The following TET2 variants were observed in gnomAD, a reference collection of about 807,000 sequenced individuals.
TET2 encodes tet methylcytosine dioxygenase 2.
TET2 carries 299 observed loss-of-function variants against 142.9 expected under a neutral mutation model. That is an observed-to-expected ratio of 2.09 (90% confidence interval 1.90 to 2.30). The LOEUF is 2.30. TET2 is among the 30% of genes most tolerant of loss of function. TET2 has a pLI of 0.00. For missense variants in TET2, 2,418 were observed against 2,378.0 expected (o/e 1.02, Z -0.35); for synonymous variants, 819 against 849.0 (o/e 0.96, Z 0.61).
Position 105,201,381 on chromosome 4 carries a change from G to C in TET2, c.-47+10876G>C, listed in dbSNP as rs180788824. On this transcript the variant is annotated intron_variant, in intron 2 of 10. Transcript: ENST00000380013. ...GCAAGGTGTTTCCTAAAAAGTTTAA[G>C]GAAAGTATAACTTTATTTTCATGTA... is the stretch of plus-strand genomic sequence containing the variant. Among the ~76,000 whole-genome samples, 851 of 152,258 alleles carry C rather than the reference G, an allele frequency of 5.6e-3. 38 individuals carry two copies. The highest frequency in any genetic ancestry group is 0.054 in the Admixed American group (819 of 15,270).
intron 6 of TET2, among the ~76,000 whole-genome samples, chr4:105,255,008 A>G (rs1730051483): frequency 6.6e-6 from 1 of 152,110 alleles, no homozygotes; most frequent in Non-Finnish European, 1.5e-5. Flanking sequence ...CTTTTTATCC[A>G]TCTGCTTCCT....
At chr4:105,187,386 T>A (rs1009527016) in intron 1 of TET2, among the ~76,000 whole-genome samples, 7 of 152,224 alleles carry the variant, frequency 4.6e-5, no homozygotes, top group Non-Finnish European at 8.8e-5. Context: ...CTAATCTTAA[T>A]AATGTTTCTT....
At chr4:105,241,598 G>T in intron 4 of TET2, 169 bp downstream of exon 4, 2 of 1,362,130 alleles carry the variant, frequency 1.5e-6, no homozygotes, top group Non-Finnish European at 1.9e-6. Flanking sequence ...TCACCAGAGA[G>T]TCACAATATT....
chr4:105,258,062 G>T (rs1730229752), intron 6 of TET2, among the ~76,000 whole-genome samples: 1 of 152,124 alleles, frequency 6.6e-6, no homozygotes, highest in Non-Finnish European at 1.5e-5. Context: ...AATGTGGGCT[G>T]TTTTGATTTG....
At chr4:105,157,403 T>C (rs1723622227) in intron 1 of TET2, among the ~76,000 whole-genome samples, 1 of 152,198 alleles carries the variant, frequency 6.6e-6, no homozygotes, top group Non-Finnish European at 1.5e-5. Flanking sequence ...TTTATAGATT[T>C]TATCTTTCTT....
At chr4:105,156,699 T>C (rs1723582838) in intron 1 of TET2, among the ~76,000 whole-genome samples, 1 of 152,186 alleles carries the variant, frequency 6.6e-6, no homozygotes, top group Admixed American at 6.5e-5. Flanking sequence ...TAACATAGCA[T>C]GGTATATGAG....
At chr4:105,214,658 G>A (rs534814965) in intron 2 of TET2, among the ~76,000 whole-genome samples, 1 of 151,634 alleles carries the variant, frequency 6.6e-6, no homozygotes, top group South Asian at 2.1e-4. Flanking sequence ...CCCACCCTTT[G>A]CACTGGGGAA....
intron 2 of TET2, among the ~76,000 whole-genome samples, chr4:105,228,693 T>G (rs1728323174): frequency 6.6e-6 from 1 of 152,128 alleles, no homozygotes; most frequent in Non-Finnish European, 1.5e-5. Flanking sequence ...TATGAATTGG[T>G]GTTTTACAGT....
chr4:105,180,553 TAAA>T (rs899540624), intron 1 of TET2, among the ~76,000 whole-genome samples: 1 of 152,196 alleles, frequency 6.6e-6, no homozygotes, highest in Non-Finnish European at 1.5e-5. Flanking sequence ...TCATGACACT[TAAA>T]AAACCTTTCT....
rs777286235 is a variant in TET2 at position 105,241,361 on chromosome 4, A to C, written c.3432A>C (p.Glu1144Asp). Residue 1144 changes from glutamate (E) to aspartate (D), a missense_variant, in exon 4 of 11, where the codon GAA (glutamate) becomes GAC (aspartate). Glu to Asp is a conservative substitution (Grantham distance 45). Coordinates refer to ENST00000380013, the MANE Select transcript of TET2 (RefSeq NM_001127208.3). ...RCVEQIIEKD[E>D]GPFYTHLGAG... ...CAGAGCAAATTATTGAAAAAGATGA[A>C]GGTCCTTTTTATACCCATCTAGGAG... The C allele has an allele frequency of 2.6e-6, 4 of 1,546,542 alleles. No individual in the cohort carries two copies. In the East Asian group the frequency reaches 7.3e-5, roughly 28 times the overall value.
chr4:105,240,539 T>C (rs1428196169), intron 3 of TET2: 1 of 1,073,056 alleles, frequency 9.3e-7, no homozygotes, highest in African/African-American at 1.6e-5. Context: ...CCTCTTGCAA[T>C]GAGATACCCC....
rs1355157024 is a variant in TET2, at chr4:105,272,657, G to A, written c.4276G>A (p.Val1426Met). The A allele has an allele frequency of 1.2e-5, 19 of 1,551,572 alleles. No individual in the cohort carries two copies. Among genetic ancestry groups the A allele is most frequent in the East Asian group, 2.4e-5 (1 of 40,932 alleles). Residue 1426 changes from valine (V) to methionine (M), a missense_variant, in exon 10 of 11, where the codon GTG becomes ATG. Transcript: ENST00000380013. ...HVLPLYKVSD[V>M]DEFGSVEAQE... is the part of the protein sequence containing the mutation. ...TCTGCCTTTATACAAAGTCTCTGAC[G>A]TGGATGAGTTTGGGAGTGTGGAAGC...
intron 1 of TET2, among the ~76,000 whole-genome samples, chr4:105,167,293 G>A (rs548490163): frequency 7.9e-5 from 12 of 151,848 alleles, no homozygotes; most frequent in Admixed American, 7.2e-4. Flanking sequence ...GGAAAATTAG[G>A]CAAACAAAGA....
rs2110234305 is a variant in TET2 at position 105,236,537 on chromosome 4, G to A, written c.2595G>A (p.Met865Ile). ...AGNKTQNLHH[M>I]QYFPNNVIPK... is the part of the protein sequence containing the mutation. ...ACAAGACCCAAAACTTGCATCACAT[G>A]CAATATTTTCCAAATAATGTGATCC... is the stretch of plus-strand genomic sequence containing the variant. Residue 865 changes from methionine to isoleucine, a missense_variant, in exon 3 of 11, where the codon ATG (methionine) becomes ATA (isoleucine). By Grantham distance (10) the Met-to-Ile change is conservative. Transcript: ENST00000380013. 1 of 1,614,082 alleles carries A rather than the reference G, an allele frequency of 6.2e-7. No homozygotes were observed. Among genetic ancestry groups the A allele is most frequent in the Non-Finnish European group, 8.5e-7 (1 of 1,180,002 alleles).
Position 105,236,803 on chromosome 4 carries a change from G to T in TET2, c.2861G>T (p.Trp954Leu), listed in dbSNP as rs1039019352. 5 of 1,614,058 alleles carry T rather than the reference G, an allele frequency of 3.1e-6. No homozygotes were observed. The highest frequency in any genetic ancestry group is 3.4e-6 in the Non-Finnish European group (4 of 1,179,992). Residue 954 changes from tryptophan to leucine, a missense_variant, in exon 3 of 11, where the codon TGG becomes TTG. Coordinates refer to ENST00000380013, the MANE Select transcript of TET2 (RefSeq NM_001127208.3). The part of the protein sequence containing the change: ...KDTQKHAALR[W>L]HLLQKQEQQQ... ...ACTCAAAAGCATGCTGCTCTAAGGTGGCATCTCTTACAGAAGCAAGAACAG... is the reference window on the plus strand; with the variant it reads ...ACTCAAAAGCATGCTGCTCTAAGGTTGCATCTCTTACAGAAGCAAGAACAG...
chr4:105,235,436 T>TC lies in TET2; in HGVS notation c.1496dup (p.Leu500IlefsTer4), dbSNP rs777656342. 1 of 1,614,036 alleles carries TC rather than the reference T, an allele frequency of 6.2e-7. No individual in the cohort carries two copies. On this transcript the variant is annotated frameshift_variant, in exon 3 of 11. Transcript: ENST00000380013. LOFTEE classifies it high-confidence loss of function. Reference sequence around the variant, plus strand: ...TACAGACTGCAGGGACAATGACTGTTCCATTGTGTTCTGAGAAAACAAGAC... The same window carrying TC: ...TACAGACTGCAGGGACAATGACTGTTCCCATTGTGTTCTGAGAAAACAAGAC...
Position 105,237,354 on chromosome 4 carries a change from A to G in TET2, c.3409+3A>G. 1 of 1,614,150 alleles carries G rather than the reference A, an allele frequency of 6.2e-7. No homozygotes were observed. The highest frequency in any genetic ancestry group is 8.5e-7 in the Non-Finnish European group (1 of 1,179,994). ...TTTCCCATCTTGCAGATGTGTAGGTAAGTGCCAGAAATGTACTGAGACACA... is the reference window on the plus strand; with the variant it reads ...TTTCCCATCTTGCAGATGTGTAGGTGAGTGCCAGAAATGTACTGAGACACA... On this transcript the variant is annotated splice_donor_region_variant and intron_variant, in intron 3 of 10. Coordinates refer to ENST00000380013, the MANE Select transcript of TET2 (RefSeq NM_001127208.3).
In TET2 at chr4:105,235,163, TC is replaced by T; in HGVS notation, c.1226del (p.Pro409LeufsTer18). On this transcript the variant is annotated frameshift_variant, in exon 3 of 11. Coordinates refer to ENST00000380013, the MANE Select transcript of TET2 (RefSeq NM_001127208.3). LOFTEE classifies it high-confidence loss of function. ...CACCACCATCACAATTGCTTCTTTC[TC>T]CCCCTCCTCCTCTTCCACAGGTTCC... ...PPPPSQLLLS[P>X]PPPLPQVPQL... 1.2e-6 allele frequency: 2 copies of T among 1,613,542 alleles called. No homozygotes were observed. The highest frequency in any genetic ancestry group is 1.7e-6 in the Non-Finnish European group (2 of 1,179,796).
chr4:105,176,543 C>A (rs1406895544), intron 1 of TET2, among the ~76,000 whole-genome samples: 1 of 152,094 alleles, frequency 6.6e-6, no homozygotes, highest in African/African-American at 2.4e-5. Flanking sequence ...TTTACATTAG[C>A]ACCCCAAGAA....
Sources: gnomAD v4.1 joint callset for allele counts (sites outside exome capture counted in the v4.1 genomes callset) on GRCh38, gnomAD v4.1.1 for gene constraint, MANE v1.5 for transcripts, NCBI Gene and HGNC (gene_info 2026-07-23, HGNC 2026-07-21) for gene names.